MCPH1: variants seen among roughly 807,000 people sequenced by gnomAD.
The protein encoded by MCPH1 is microcephalin 1, also known as microcephalin.
A neutral mutation model predicts 84.5 loss-of-function variants in MCPH1; 104 were observed. The ratio of observed to expected loss-of-function variants is 1.23; its 90% CI spans 1.05 to 1.45. The LOEUF (loss-of-function observed/expected upper bound fraction) is 1.45, where lower values mean the gene tolerates loss of function less well. MCPH1 is among the 40% of genes most tolerant of loss of function. The pLI is 0.00. For synonymous variants in MCPH1, 514 were observed against 366.8 expected (o/e 1.40, Z -4.58); for missense variants, 1,498 against 1,005.7 (o/e 1.49, Z -6.62).
intron 2 of MCPH1, among the ~76,000 whole-genome samples, chr8:6,411,880 A>G (rs1370594728): frequency 6.6e-6 from 1 of 152,132 alleles, no homozygotes; most frequent in East Asian, 1.9e-4. Context: ...GGGGGAACTA[A>G]TGTGCTCTTA....
chr8:6,457,669 G>A (rs1456095096), intron 9 of MCPH1, among the ~76,000 whole-genome samples: 2 of 152,052 alleles, frequency 1.3e-5, no homozygotes, highest in African/African-American at 4.8e-5. Flanking sequence ...AGCAGCTCCC[G>A]ACCCCAGTGC....
At chr8:6,513,632 C>T (rs1815646841) in intron 12 of MCPH1, 3 of 1,567,244 alleles carry the variant, frequency 1.9e-6, no homozygotes, top group Non-Finnish European at 2.6e-6. Flanking sequence ...CGTGCCCGGC[C>T]ACAAATCTTT....
intron 3 of MCPH1, among the ~76,000 whole-genome samples, chr8:6,429,277 C>T (rs983200516): frequency 1.3e-5 from 2 of 152,178 alleles, no homozygotes; most frequent in African/African-American, 4.8e-5. Flanking sequence ...TTCTCAGGCT[C>T]CACTTATGTG....
chr8:6,568,667 A>T (rs1279112349), intron 12 of MCPH1, among the ~76,000 whole-genome samples: 1 of 152,194 alleles, frequency 6.6e-6, no homozygotes, highest in Admixed American at 6.5e-5. Context: ...GCTCAGACAC[A>T]CTTAAAGGCA....
At chr8:6,467,855 C>G (rs1199657544) in intron 9 of MCPH1, among the ~76,000 whole-genome samples, 1 of 152,176 alleles carries the variant, frequency 6.6e-6, no homozygotes, top group African/African-American at 2.4e-5. Context: ...GCCTGGGTCT[C>G]CCAAAGTGCT....
At chr8:6,606,780 G>A (rs1382851486) in intron 12 of MCPH1, among the ~76,000 whole-genome samples, 1 of 152,180 alleles carries the variant, frequency 6.6e-6, no homozygotes, top group Non-Finnish European at 1.5e-5. Flanking sequence ...TTGAATCACA[G>A]GGACAGGTCT....
chr8:6,525,663 A>C (rs1818195388), intron 12 of MCPH1, among the ~76,000 whole-genome samples: 1 of 150,668 alleles, frequency 6.6e-6, no homozygotes, highest in African/African-American at 2.5e-5. Flanking sequence ...ATCATAGGCC[A>C]GTCAGAATTA....
At chr8:6,428,342 G>A (rs552589558) in intron 3 of MCPH1, among the ~76,000 whole-genome samples, 47 of 152,246 alleles carry the variant, frequency 3.1e-4, no homozygotes, top group Middle Eastern at 3.4e-3. Flanking sequence ...CTAGGCGATA[G>A]GAATTTTTCA....
chr8:6,439,000 T>C lies in MCPH1; in HGVS notation c.484T>C (p.Tyr162His), dbSNP rs761012601. ...ATTTGAATCTAATGGTTCATTAATA[T>C]ATACTCCCACAATTGAAATTAATAG... ...LLFESNGSLI[Y>H]TPTIEINSRH... Residue 162 changes from tyrosine to histidine, a missense_variant, in exon 6 of 14, where the codon TAT becomes CAT. By Grantham distance (83) the Tyr-to-His change is moderately conservative. Transcript: ENST00000344683. 5.6e-6 allele frequency: 9 copies of C among 1,610,126 alleles called. No individual in the cohort carries two copies. The highest frequency in any genetic ancestry group is 1.3e-5 in the African/African-American group (1 of 74,978).
rs1277732513 is a variant in MCPH1, at chr8:6,621,514, C to G, written c.2275C>G (p.Gln759Glu). 4 of 1,614,186 alleles carry G rather than the reference C, an allele frequency of 2.5e-6. No individual in the cohort carries two copies. Among genetic ancestry groups the G allele is most frequent in the Non-Finnish European group, 3.4e-6 (4 of 1,180,034 alleles). The change falls in exon 13 of 14, where the codon CAG (glutamine) becomes GAG (glutamate). Residue 759 changes from glutamine (Q) to glutamate (E), a missense_variant. Gln to Glu is a conservative substitution (Grantham distance 29). Transcript: ENST00000344683. ...GTACCGCGGAACCCTCTTTGCCGAC[C>G]AGCCAGCGATGTTTGTCTCGCCTGC... ...GPYRGTLFAD[Q>E]PAMFVSPASS...
At chr8:6,538,289 C>T (rs939154772) in intron 12 of MCPH1, among the ~76,000 whole-genome samples, 1 of 152,168 alleles carries the variant, frequency 6.6e-6, no homozygotes, top group African/African-American at 2.4e-5. Context: ...CACACATACA[C>T]GTTTTCTACC....
At chr8:6,613,624 G>C (rs558013788) in intron 12 of MCPH1, among the ~76,000 whole-genome samples, 6 of 152,172 alleles carry the variant, frequency 3.9e-5, no homozygotes, top group African/African-American at 1.2e-4. Context: ...CCAAGGGACC[G>C]GGGGGTGAGG....
At chr8:6,579,667 C>G (rs1428215714) in intron 12 of MCPH1, among the ~76,000 whole-genome samples, 2 of 152,062 alleles carry the variant, frequency 1.3e-5, no homozygotes, top group Non-Finnish European at 2.9e-5. Flanking sequence ...AATGTACACA[C>G]CAAGTGGTTT....
chr8:6,602,579 G>C (rs1829458324), intron 12 of MCPH1, among the ~76,000 whole-genome samples: 1 of 152,116 alleles, frequency 6.6e-6, no homozygotes, highest in Non-Finnish European at 1.5e-5. Flanking sequence ...CCCAAAGCGG[G>C]GAAGGCTGCT....
chr8:6,552,922 A>G (rs1823911191), intron 12 of MCPH1, among the ~76,000 whole-genome samples: 1 of 152,166 alleles, frequency 6.6e-6, no homozygotes, highest in African/African-American at 2.4e-5. Context: ...AACTGAAGAT[A>G]GTAAAAGGAT....
At chr8:6,505,319 TG>T (rs1253130996) in intron 12 of MCPH1, among the ~76,000 whole-genome samples, 1 of 62,416 alleles carries the variant, frequency 1.6e-5, no homozygotes, top group African/African-American at 9.1e-5. Flanking sequence ...AACATATATA[TG>T]TTATATACAT....
chr8:6,542,730 A>T (rs530094838), intron 12 of MCPH1, among the ~76,000 whole-genome samples: 1 of 151,930 alleles, frequency 6.6e-6, no homozygotes, highest in African/African-American at 2.4e-5. Context: ...TCTGTGTTAC[A>T]TGGGTTTGCC....
chr8:6,451,189 T>G (rs1304003890), intron 8 of MCPH1, among the ~76,000 whole-genome samples: 1 of 152,234 alleles, frequency 6.6e-6, no homozygotes, highest in African/African-American at 2.4e-5. Context: ...CCTAACTCAC[T>G]GGGGCTGCAA....
chr8:6,466,424 C>T (rs1295075565), intron 9 of MCPH1, among the ~76,000 whole-genome samples: 1 of 151,986 alleles, frequency 6.6e-6, no homozygotes, highest in Non-Finnish European at 1.5e-5. Context: ...TCTCCTGCCT[C>T]AACCTCCTGG....
Sources: allele counts gnomAD v4.1 joint callset (sites outside exome capture counted in the v4.1 genomes callset), GRCh38; gene constraint gnomAD v4.1.1; transcripts MANE v1.5; gene names NCBI Gene and HGNC (gene_info 2026-07-23, HGNC 2026-07-21).